Variants in DMRT1 observed in about 807,000 individuals in gnomAD.
DMRT1 encodes the protein doublesex- and mab-3-related transcription factor 1.
In DMRT1, 7 loss-of-function variants were observed where a neutral mutation model predicts 32.3. The ratio of observed to expected loss-of-function variants is 0.22; its 90% CI spans 0.12 to 0.41. The LOEUF is 0.41. Among genes scored for constraint, DMRT1 ranks in the 10% least tolerant of loss-of-function variants. The pLI is 1.00. For synonymous variants in DMRT1, 278 were observed against 206.1 expected (o/e 1.35, Z -2.99); for missense variants, 625 against 500.5 (o/e 1.25, Z -2.37).
chr9:889,954 G>C (rs1336748981), intron 2 of DMRT1, among the ~76,000 whole-genome samples: 1 of 151,986 alleles, frequency 6.6e-6, no homozygotes, highest in Admixed American at 6.6e-5. Flanking sequence ...TTCTTTTTCT[G>C]ACTTAGATGC....
chr9:960,504 A>C (rs1388276482), intron 4 of DMRT1, among the ~76,000 whole-genome samples: 1 of 152,244 alleles, frequency 6.6e-6, no homozygotes, highest in Non-Finnish European at 1.5e-5. Context: ...TAGGGTTTAC[A>C]AACTATTTTG....
chr9:936,573 G>A (rs1443849245), intron 4 of DMRT1, among the ~76,000 whole-genome samples: 4 of 151,996 alleles, frequency 2.6e-5, no homozygotes, highest in Admixed American at 6.6e-5. Context: ...CCAACATGGC[G>A]AAACCCTGTC....
At chr9:860,923 C>T (rs1815630545) in intron 2 of DMRT1, among the ~76,000 whole-genome samples, 1 of 152,152 alleles carries the variant, frequency 6.6e-6, no homozygotes, top group African/African-American at 2.4e-5. Flanking sequence ...GGGGTTGTGT[C>T]ATGGGCTCAT....
At chr9:930,594 G>C (rs556256358) in intron 4 of DMRT1, among the ~76,000 whole-genome samples, 1 of 151,964 alleles carries the variant, frequency 6.6e-6, no homozygotes, top group African/African-American at 2.4e-5. Context: ...ATTTTTAGTA[G>C]AGACAGGGTT....
chr9:930,148 T>C (rs2129852015), intron 4 of DMRT1, among the ~76,000 whole-genome samples: 1 of 152,230 alleles, frequency 6.6e-6, no homozygotes, highest in East Asian at 1.9e-4. Context: ...ATACGGAGCC[T>C]TTTCCAGGCA....
At chr9:908,645 T>A (rs949034985) in intron 3 of DMRT1, among the ~76,000 whole-genome samples, 1 of 152,056 alleles carries the variant, frequency 6.6e-6, no homozygotes, top group Non-Finnish European at 1.5e-5. Flanking sequence ...GGAGCTACTG[T>A]AATACAAACT....
At chr9:937,641 A>G (rs952776161) in intron 4 of DMRT1, among the ~76,000 whole-genome samples, 6 of 152,070 alleles carry the variant, frequency 3.9e-5, no homozygotes, top group Admixed American at 1.3e-4. Context: ...CCATTTATGT[A>G]TCGTCTTTGG....
intron 3 of DMRT1, among the ~76,000 whole-genome samples, chr9:906,000 GTC>G (rs1217917212): frequency 2.0e-5 from 3 of 147,940 alleles, no homozygotes; most frequent in South Asian, 2.2e-4. Context: ...TAGGCATGCT[GTC>G]TCTCAAGATG....
At chr9:860,434 T>C (rs1259279735) in intron 2 of DMRT1, among the ~76,000 whole-genome samples, 1 of 152,232 alleles carries the variant, frequency 6.6e-6, no homozygotes, top group Non-Finnish European at 1.5e-5. Context: ...GAGTTTGCTG[T>C]CTGAGCAAGA....
At chr9:890,265 A>C (rs567899972) in intron 2 of DMRT1, among the ~76,000 whole-genome samples, 12 of 152,132 alleles carry the variant, frequency 7.9e-5, no homozygotes, top group African/African-American at 2.7e-4. Context: ...TGTTTAAAAT[A>C]AGAGAAAGGC....
intron 2 of DMRT1, among the ~76,000 whole-genome samples, chr9:881,076 T>A (rs1225028444): frequency 1.3e-5 from 2 of 152,012 alleles, no homozygotes; most frequent in African/African-American, 4.8e-5. Context: ...CAAAGTGGTC[T>A]GGGGTGTGGC....
intron 2 of DMRT1, among the ~76,000 whole-genome samples, chr9:884,271 C>G (rs1419700179): frequency 6.6e-6 from 1 of 151,362 alleles, no homozygotes; most frequent in African/African-American, 2.4e-5. Context: ...GCCCAGAGAC[C>G]AGCATATAAC....
At chr9:916,273 G>A (rs1818178750) in intron 3 of DMRT1, among the ~76,000 whole-genome samples, 1 of 152,190 alleles carries the variant, frequency 6.6e-6, no homozygotes, top group Non-Finnish European at 1.5e-5. Context: ...GGGACCTTAA[G>A]ATAGAAAGGG....
At chr9:864,722 C>G (rs7040040) in intron 2 of DMRT1, among the ~76,000 whole-genome samples, 26,572 of 150,554 alleles carry the variant, frequency 0.18, 3,488 homozygotes, top group African/African-American at 0.37. Flanking sequence ...GGATGGTCTC[C>G]ATCTCCTAAC....
intron 1 of DMRT1, among the ~76,000 whole-genome samples, chr9:845,254 G>A (rs1004694201): frequency 2.0e-5 from 3 of 151,882 alleles, no homozygotes; most frequent in Non-Finnish European, 4.4e-5. Context: ...CCATTGCCCA[G>A]GCTGGAGTGC....
chr9:886,409 G>A (rs73374728), intron 2 of DMRT1, among the ~76,000 whole-genome samples: 8,096 of 152,196 alleles, frequency 0.053, 369 homozygotes, highest in African/African-American at 0.13. Context: ...GCACGGGCCA[G>A]ATACACGCCC....
intron 4 of DMRT1, among the ~76,000 whole-genome samples, chr9:946,730 A>C (rs1244006785): frequency 6.6e-6 from 1 of 152,104 alleles, no homozygotes; most frequent in African/African-American, 2.4e-5. Context: ...TCCACCCTGC[A>C]CTCTTGTTGA....
chr9:846,725 T>A (rs1447169881), intron 1 of DMRT1, among the ~76,000 whole-genome samples: 2 of 152,296 alleles, frequency 1.3e-5, no homozygotes, highest in Admixed American at 6.5e-5. Flanking sequence ...GGATTCCAGG[T>A]ATCTGCGACC....
intron 4 of DMRT1, among the ~76,000 whole-genome samples, chr9:925,989 C>T (rs974377153): frequency 1.8e-4 from 28 of 152,250 alleles, no homozygotes; most frequent in African/African-American, 6.5e-4. Context: ...TGGGAATGTT[C>T]TATTTGCAGG....
Sources: allele counts gnomAD v4.1 joint callset (sites outside exome capture counted in the v4.1 genomes callset), GRCh38; gene constraint gnomAD v4.1.1; transcripts MANE v1.5; gene names NCBI Gene and HGNC (gene_info 2026-07-23, HGNC 2026-07-21).